Variants in SCN9A observed in about 807,000 individuals in gnomAD.
The protein encoded by SCN9A is sodium voltage-gated channel alpha subunit 9.
A neutral mutation model predicts 187.0 loss-of-function variants in SCN9A; 131 were observed. That is an observed-to-expected ratio of 0.70 (90% CI 0.61 to 0.81). SCN9A has a LOEUF of 0.81. Ranked by LOEUF, SCN9A falls within the 30% of genes least tolerant of loss-of-function variation. The probability of loss-of-function intolerance (pLI) is 0.00; values close to 1 mark genes in which losing one functional copy is unlikely to be tolerated. For synonymous variants in SCN9A, 809 were observed against 808.6 expected, an observed-to-expected ratio of 1.00 and a Z score of -0.01; for missense variants, 2,252 against 2,396.6, an observed-to-expected ratio of 0.94 and a Z score of 1.26.
At chr2:166,294,001 G>C (rs1363772676) in intron 8 of SCN9A, among the ~76,000 whole-genome samples, 1 of 152,154 alleles carries the variant, frequency 6.6e-6, no homozygotes, top group Non-Finnish European at 1.5e-5. Context: ...AGTGTACACA[G>C]AGCCTGATGA....
intron 18 of SCN9A, among the ~76,000 whole-genome samples, chr2:166,249,024 G>A (rs1164075815): frequency 6.6e-6 from 1 of 151,624 alleles, no homozygotes; most frequent in South Asian, 2.1e-4. Flanking sequence ...ATCTATTTTG[G>A]CCTCTTGGTT....
Position 166,272,610 on chromosome 2 carries a change from C to T in SCN9A, c.3140G>A (p.Ser1047Asn), listed in dbSNP as rs754268075. ...TTCCTTGAGGAAATTGTGACCTTTGCTCATTTCAGCAAGTGTATGGTTAGA... is the reference window on the plus strand; with the variant it reads ...TTCCTTGAGGAAATTGTGACCTTTGTTCATTTCAGCAAGTGTATGGTTAGA... ...YISNHTLAEM[S>N]KGHNFLKEKD... Residue 1047 changes from serine to asparagine, a missense_variant, in exon 17 of 27, where the codon AGC (serine) becomes AAC (asparagine). Physicochemically the swap from Ser to Asn is conservative, Grantham distance 46. This residue lies in a region of SCN9A where 313 missense variants were observed against 295.3 expected (regional missense o/e 1.06). Transcript: ENST00000642356. 1 of 1,613,300 alleles carries T rather than the reference C, an allele frequency of 6.2e-7. No homozygotes were observed. The highest frequency in any genetic ancestry group is 1.3e-5 in the African/African-American group (1 of 74,870).
At chr2:166,323,781 T>C (rs974979927) in intron 1 of SCN9A, among the ~76,000 whole-genome samples, 2 of 152,026 alleles carry the variant, frequency 1.3e-5, no homozygotes, top group African/African-American at 4.8e-5. Flanking sequence ...ATAATTAATG[T>C]TTATCTTATA....
intron 1 of SCN9A, among the ~76,000 whole-genome samples, chr2:166,367,358 G>T (rs2105324600): frequency 6.6e-6 from 1 of 152,252 alleles, no homozygotes; most frequent in South Asian, 2.1e-4. Context: ...CATCTCCCAG[G>T]TTCAGGCAAT....
chr2:166,356,504 A>G (rs1700154133), intron 1 of SCN9A, among the ~76,000 whole-genome samples: 1 of 152,148 alleles, frequency 6.6e-6, no homozygotes. Flanking sequence ...TTCCCCATAA[A>G]TAGCATTCTT....
At chr2:166,303,985 C>A in intron 6 of SCN9A, 1 of 1,560,802 alleles carries the variant, frequency 6.4e-7, no homozygotes, top group Non-Finnish European at 8.8e-7. Flanking sequence ...TTATGTCTTT[C>A]TTTCAAAAGA....
intron 1 of SCN9A, among the ~76,000 whole-genome samples, chr2:166,372,730 C>A (rs1700594275): frequency 1.3e-5 from 2 of 151,922 alleles, no homozygotes; most frequent in Non-Finnish European, 2.9e-5. Context: ...AAAATAGAAT[C>A]ACAAAATTCA....
Position 166,307,044 on chromosome 2 carries a change from T to C in SCN9A, c.289A>G (p.Ile97Val), listed in dbSNP as rs192699758. ...GCAGGTGTGGCATTGAAACGGAAGATTGTTTTCCCTTTGTTCAATACTATG... is the reference window on the plus strand; with the variant it reads ...GCAGGTGTGGCATTGAAACGGAAGACTGTTTTCCCTTTGTTCAATACTATG... Reference protein sequence around the residue: ...TFIVLNKGKTIFRFNATPALY... With the variant: ...TFIVLNKGKTVFRFNATPALY... The change falls in exon 3 of 27, where the codon ATC (isoleucine) becomes GTC (valine). Residue 97 changes from isoleucine (I) to valine (V), a missense_variant. Ile to Val is a conservative substitution (Grantham distance 29). Transcript: ENST00000642356. 5.6e-6 allele frequency: 9 copies of C among 1,610,378 alleles called. No individual in the cohort carries two copies. Among genetic ancestry groups the C allele is most frequent in the Admixed American group, 5.0e-5 (3 of 59,984 alleles).
chr2:166,329,035 A>C (rs1486592822), intron 1 of SCN9A, among the ~76,000 whole-genome samples: 1 of 152,152 alleles, frequency 6.6e-6, no homozygotes, highest in Admixed American at 6.5e-5. Context: ...ATTTTTTTAC[A>C]AAAGTAGCCT....
At chr2:166,358,298 G>A (rs1263749242) in intron 1 of SCN9A, among the ~76,000 whole-genome samples, 2 of 151,884 alleles carry the variant, frequency 1.3e-5, no homozygotes, top group African/African-American at 4.8e-5. Flanking sequence ...TCCAACTCCT[G>A]ACCTCATGTG....
intron 19 of SCN9A, among the ~76,000 whole-genome samples, chr2:166,239,616 G>A (rs1695477686): frequency 6.6e-6 from 1 of 152,108 alleles, no homozygotes; most frequent in African/African-American, 2.4e-5. Context: ...TGCAGAGGGA[G>A]GCTTCTAGCC....
intron 2 of SCN9A, among the ~76,000 whole-genome samples, chr2:166,308,021 C>T (rs1419161271): frequency 1.3e-5 from 2 of 152,150 alleles, no homozygotes; most frequent in East Asian, 3.9e-4. Context: ...GTGAGTCAGG[C>T]TTTTTATTTG....
intron 19 of SCN9A, among the ~76,000 whole-genome samples, chr2:166,242,000 T>G: frequency 6.6e-6 from 1 of 152,142 alleles, no homozygotes; most frequent in Non-Finnish European, 1.5e-5. Context: ...TAACTTGAAA[T>G]TAGTTTTATC....
chr2:166,294,585 C>T lies in SCN9A; in HGVS notation c.965+14G>A, dbSNP rs923314647. On this transcript the variant is annotated intron_variant, in intron 8 of 26. Transcript: ENST00000642356. ...TTCAGCCTTTAGACTAAAAAGAAAA[C>T]AAATATTACATACCCTGAATCTGTG... is the stretch of plus-strand genomic sequence containing the variant. 3.1e-6 allele frequency: 5 copies of T among 1,598,206 alleles called. No individual in the cohort carries two copies. The African/African-American group carries it at 6.7e-5, about 21-fold the overall frequency.
chr2:166,222,583 G>C lies in SCN9A; in HGVS notation c.4398+3984C>G, dbSNP rs1319767544. On this transcript the variant is annotated intron_variant, in intron 24 of 26. Coordinates refer to ENST00000642356, the MANE Select transcript of SCN9A (RefSeq NM_001365536.1). ...TCGGAGGTTGCAGTGAGCTGAGATC[G>C]CGCCACTGCACTCCAGCCTGGTGAC... Among the ~76,000 whole-genome samples, 3 of 151,754 alleles carry C rather than the reference G, an allele frequency of 2.0e-5. No individual in the cohort carries two copies. In the South Asian group the frequency reaches 6.3e-4, roughly 32 times the overall value.
chr2:166,300,881 A>G (rs1698524701), intron 7 of SCN9A: 1 of 150,616 alleles, frequency 6.6e-6, no homozygotes, highest in Non-Finnish European at 1.5e-5. Flanking sequence ...ACATAACTCA[A>G]GGGCTCTATT....
chr2:166,204,345 T>C lies in SCN9A; in HGVS notation c.4503+15A>G, dbSNP rs1484879963. 6 of 1,586,016 alleles carry C rather than the reference T, an allele frequency of 3.8e-6. No homozygotes were observed. Among genetic ancestry groups the C allele is most frequent in the African/African-American group, 2.7e-5 (2 of 74,222 alleles). On this transcript the variant is annotated intron_variant, in intron 25 of 26. Coordinates refer to ENST00000642356, the MANE Select transcript of SCN9A (RefSeq NM_001365536.1). ...TTTGAAAATCTATATGCTAAAGATA[T>C]ATATATTTTTTTACCCCTGGTCGAG...
chr2:166,272,555 G>A lies in SCN9A; in HGVS notation c.3195C>T (p.Ser1065=), dbSNP rs111674454. ...TGTCTTCCATCAAGTGTTTGTCCAC[G>A]CTGCTTCCAAAACCACTGATTTTAT... ...EKDKISGFGS[S]VDKHLMEDSD... The change falls in exon 17 of 27, where the codon AGC becomes AGT. Residue 1065 remains serine, a synonymous_variant. Transcript: ENST00000642356. 2.1e-4 allele frequency: 338 copies of A among 1,613,324 alleles called. 1 individual carries two copies. The African/African-American group carries it at 3.4e-3, about 16-fold the overall frequency.
At chr2:166,347,986 A>G (rs1046990366) in intron 1 of SCN9A, among the ~76,000 whole-genome samples, 1 of 152,202 alleles carries the variant, frequency 6.6e-6, no homozygotes, top group Admixed American at 6.5e-5. Flanking sequence ...TCCAGGACCT[A>G]CATAGGAAAT....
Sources: gnomAD v4.1 joint callset for allele counts (sites outside exome capture counted in the v4.1 genomes callset) on GRCh38, gnomAD v4.1.1 for gene constraint, gnomAD v4.1.1 regional missense constraint, MANE v1.5 for transcripts, NCBI Gene and HGNC (gene_info 2026-07-23, HGNC 2026-07-21) for gene names.